CACNA1D: variants seen among roughly 807,000 people sequenced by gnomAD.
CACNA1D encodes the protein voltage-dependent L-type calcium channel subunit alpha-1D.
In CACNA1D, 55 loss-of-function variants were observed where a neutral mutation model predicts 257.1. The observed-to-expected ratio is 0.21, with a 90% CI of 0.17 to 0.27. The LOEUF is 0.27. CACNA1D is among the 10% of genes least tolerant of loss of function. The pLI is 1.00. For missense variants in CACNA1D, 1,876 were observed against 2,784.0 expected (o/e 0.67, Z 7.34); for synonymous variants, 980 against 1,014.9 (o/e 0.97, Z 0.65).
intron 8 of CACNA1D, among the ~76,000 whole-genome samples, chr3:53,696,557 T>C (rs55948017): frequency 0.22 from 32,874 of 152,128 alleles, 3,955 homozygotes; most frequent in East Asian, 0.46. Context: ...ATTCATGTTT[T>C]GGTGCTCAAT....
chr3:53,662,479 T>C (rs1479840925), intron 5 of CACNA1D, among the ~76,000 whole-genome samples: 3 of 152,146 alleles, frequency 2.0e-5, no homozygotes, highest in Non-Finnish European at 4.4e-5. Flanking sequence ...GAAACATTTA[T>C]CAAAGTTCAA....
intron 40 of CACNA1D, among the ~76,000 whole-genome samples, chr3:53,798,987 C>T (rs960044606): frequency 3.9e-5 from 6 of 152,206 alleles, no homozygotes; most frequent in Non-Finnish European, 5.9e-5. Flanking sequence ...GACAGGGAAG[C>T]GGTCTCCTCT....
chr3:53,730,900 G>A (rs1457560195), intron 16 of CACNA1D, 177 bp from the exon 17 acceptor site: 19 of 617,944 alleles, frequency 3.1e-5, no homozygotes, highest in South Asian at 2.4e-4. Flanking sequence ...TGAATCCATC[G>A]CATTGAGATT....
chr3:53,646,961 G>T (rs1430559134), intron 3 of CACNA1D, among the ~76,000 whole-genome samples: 2 of 152,212 alleles, frequency 1.3e-5, no homozygotes, highest in Non-Finnish European at 2.9e-5. Flanking sequence ...TCAAGATTCT[G>T]TACAGCATTA....
intron 3 of CACNA1D, among the ~76,000 whole-genome samples, chr3:53,573,094 T>G (rs1421319912): frequency 1.3e-5 from 2 of 152,220 alleles, no homozygotes; most frequent in Non-Finnish European, 2.9e-5. Flanking sequence ...AGTTTGTAGC[T>G]TAGATGTCGC....
intron 40 of CACNA1D, among the ~76,000 whole-genome samples, chr3:53,799,089 G>A (rs2095522647): frequency 6.6e-6 from 1 of 152,192 alleles, no homozygotes; most frequent in Non-Finnish European, 1.5e-5. Flanking sequence ...CTGTTCTCCA[G>A]GCCTTTAGGG....
intron 3 of CACNA1D, among the ~76,000 whole-genome samples, chr3:53,503,032 T>C (rs2090670507): frequency 6.6e-6 from 1 of 152,200 alleles, no homozygotes; most frequent in African/African-American, 2.4e-5. Flanking sequence ...TGCTGGCTTC[T>C]GAAGATAGTG....
At chr3:53,753,065 G>C (rs1365658233) in intron 28 of CACNA1D, among the ~76,000 whole-genome samples, 5 of 152,166 alleles carry the variant, frequency 3.3e-5, no homozygotes, top group African/African-American at 7.2e-5. Context: ...CTGGACAGTA[G>C]GTCTAAAGAT....
At chr3:53,569,954 C>A (rs1350765589) in intron 3 of CACNA1D, among the ~76,000 whole-genome samples, 1 of 152,142 alleles carries the variant, frequency 6.6e-6, no homozygotes, top group Non-Finnish European at 1.5e-5. Context: ...CTAGCATAAT[C>A]TCTGGCATAT....
chr3:53,771,147 G>C (rs1443567988), intron 32 of CACNA1D, among the ~76,000 whole-genome samples: 1 of 152,162 alleles, frequency 6.6e-6, no homozygotes, highest in East Asian at 1.9e-4. Context: ...TCCCGTACCT[G>C]CCAGTACCCT....
chr3:53,743,257 A>G, intron 22 of CACNA1D, 140 bp downstream of exon 22: 1 of 654,742 alleles, frequency 1.5e-6, no homozygotes, highest in South Asian at 1.9e-5. Flanking sequence ...CTCCCATTCC[A>G]GAAAGATTTA....
chr3:53,586,902 G>T (rs1203547627), intron 3 of CACNA1D, among the ~76,000 whole-genome samples: 3 of 152,144 alleles, frequency 2.0e-5, no homozygotes, highest in Admixed American at 1.3e-4. Flanking sequence ...GACGCTGGGG[G>T]GGTAATGTGG....
intron 9 of CACNA1D, among the ~76,000 whole-genome samples, chr3:53,710,854 C>A (rs949484458): frequency 1.1e-4 from 17 of 151,978 alleles, no homozygotes; most frequent in Admixed American, 4.6e-4. Flanking sequence ...TTTCTCCAGG[C>A]TACATGTTTC....
At chr3:53,681,066 A>G (rs2094425274) in intron 8 of CACNA1D, among the ~76,000 whole-genome samples, 2 of 152,238 alleles carry the variant, frequency 1.3e-5, no homozygotes, top group South Asian at 4.1e-4. Flanking sequence ...ATGGTGCCAC[A>G]GAGCAAAGGA....
chr3:53,745,209 T>G (rs2095156254), intron 23 of CACNA1D, among the ~76,000 whole-genome samples: 2 of 152,046 alleles, frequency 1.3e-5, no homozygotes, highest in African/African-American at 4.8e-5. Context: ...TGGGCCCATG[T>G]GCCAGGCAGC....
intron 3 of CACNA1D, among the ~76,000 whole-genome samples, chr3:53,628,713 G>T (rs1433228085): frequency 1.3e-5 from 2 of 152,162 alleles, no homozygotes; most frequent in African/African-American, 4.8e-5. Context: ...GACTGTGCCT[G>T]TTTGTGTTTT....
chr3:53,686,043 A>G (rs1352894716), intron 8 of CACNA1D, among the ~76,000 whole-genome samples: 1 of 152,122 alleles, frequency 6.6e-6, no homozygotes, highest in Non-Finnish European at 1.5e-5. Flanking sequence ...TATAAATGAA[A>G]GAGGAGATAC....
At chr3:53,721,047 A>G (rs1379258894) in intron 11 of CACNA1D, among the ~76,000 whole-genome samples, 1 of 152,190 alleles carries the variant, frequency 6.6e-6, no homozygotes, top group Admixed American at 6.5e-5. Flanking sequence ...ACTGTGGTTC[A>G]CCAGTATGAT....
At chr3:53,745,432 G>T (rs1236873647) in intron 23 of CACNA1D, among the ~76,000 whole-genome samples, 192 bp from the exon 24 acceptor site, 1 of 151,886 alleles carries the variant, frequency 6.6e-6, no homozygotes, top group Non-Finnish European at 1.5e-5. Flanking sequence ...GTACAGATGG[G>T]GTTTCACCAT....
Sources: gnomAD v4.1 joint callset for allele counts (sites outside exome capture counted in the v4.1 genomes callset) on GRCh38, gnomAD v4.1.1 for gene constraint, MANE v1.5 for transcripts, NCBI Gene and HGNC (gene_info 2026-07-23, HGNC 2026-07-21) for gene names.